Variants in PADI3 observed in about 807,000 individuals in gnomAD.
The protein encoded by PADI3 is peptidyl arginine deiminase 3, also known as protein-arginine deiminase type-3.
PADI3 carries 53 observed loss-of-function variants against 71.5 expected under a neutral mutation model. That is an observed-to-expected ratio of 0.74 (90% CI 0.59 to 0.93). The LOEUF is 0.93. PADI3 is among the 40% of genes least tolerant of loss of function. The pLI, the probability that PADI3 is intolerant of heterozygous loss-of-function variation, is 0.00. For synonymous variants in PADI3, 361 were observed against 347.5 expected (o/e 1.04, Z -0.43); for missense variants, 821 against 868.0 (o/e 0.95, Z 0.68).
Position 17,270,242 on chromosome 1 carries a change from A to G in PADI3, c.662A>G (p.Asp221Gly), listed in dbSNP as rs1311916944. 4 of 1,610,246 alleles carry G rather than the reference A, an allele frequency of 2.5e-6. No individual in the cohort carries two copies. Among genetic ancestry groups the G allele is most frequent in the Admixed American group, 3.4e-5 (2 of 59,584 alleles). Residue 221 changes from aspartate (D) to glycine (G), a missense_variant, in exon 7 of 16, where the codon GAT becomes GGT. By Grantham distance (94) the Asp-to-Gly change is moderately conservative (BLOSUM62 -1). Coordinates refer to ENST00000375460, the MANE Select transcript of PADI3 (RefSeq NM_016233.2). Reference sequence around the variant, plus strand: ...GTCCCTCCCCTTCCAGGTCCTGAGGATGTGTGTGAGGCCTATAGGCATGTG... The same window carrying G: ...GTCCCTCCCCTTCCAGGTCCTGAGGGTGTGTGTGAGGCCTATAGGCATGTG... ...AQVFHICGPE[D>G]VCEAYRHVLG...
At position 17,270,243 on chromosome 1, in the gene PADI3, T is replaced by C. The variant is rs145276833; in HGVS notation, c.663T>C (p.Asp221=). Residue 221 remains aspartate, a synonymous_variant, in exon 7 of 16, where the codon GAT becomes GAC. Transcript: ENST00000375460. ...AQVFHICGPE[D]VCEAYRHVLG... ...TCCCTCCCCTTCCAGGTCCTGAGGA[T>C]GTGTGTGAGGCCTATAGGCATGTGC... The C allele has an allele frequency of 2.5e-6, 4 of 1,610,262 alleles. No homozygotes were observed. The highest frequency in any genetic ancestry group is 2.2e-5 in the East Asian group (1 of 44,678).
rs2073336058 is a variant in PADI3, at chr1:17,276,660, G to C, written c.1449G>C (p.Gly483=). ...TGAGCTTTGTCCCTGCCCCCGATGG[G>C]AAGGTAAGAACTTCGTGCATGACGT... is the stretch of plus-strand genomic sequence containing the variant. ...EFLSFVPAPD[G]KGFRMLLASP... The change falls in exon 12 of 16, where the codon GGG becomes GGC. Residue 483 remains glycine, a synonymous_variant. Transcript: ENST00000375460. The C allele has an allele frequency of 6.2e-7, 1 of 1,614,042 alleles. No individual in the cohort carries two copies. The highest frequency in any genetic ancestry group is 8.5e-7 in the Non-Finnish European group (1 of 1,180,008).
chr1:17,272,972 C>T (rs74705609), intron 9 of PADI3, among the ~76,000 whole-genome samples: 9,356 of 152,214 alleles, frequency 0.061, 333 homozygotes, highest in African/African-American at 0.099. Context: ...TCCTCCAGAA[C>T]CAGAGGGGTC....
rs769341770 is a variant in PADI3, at chr1:17,265,651, T to C, written c.347-8T>C. 5 of 1,614,002 alleles carry C rather than the reference T, an allele frequency of 3.1e-6. No individual in the cohort carries two copies. The Admixed American group carries it at 8.3e-5, about 27-fold the overall frequency. The stretch of plus-strand genomic sequence containing the variant: ...TTGTAGTGACTTACCCTCTGCCTCC[T>C]CTTGCAGACATCTCTCTGGATTGCG... On this transcript the variant is annotated splice_region_variant and splice_polypyrimidine_tract_variant and intron_variant, in intron 3 of 15. Coordinates refer to ENST00000375460, the MANE Select transcript of PADI3 (RefSeq NM_016233.2).
intron 10 of PADI3, among the ~76,000 whole-genome samples, 196 bp from the exon 11 acceptor site, chr1:17,274,439 T>G (rs1029636746): frequency 2.0e-5 from 3 of 152,172 alleles, no homozygotes; most frequent in Non-Finnish European, 1.5e-5. Flanking sequence ...TCCGAGCACT[T>G]CCCGACTTTG....
In PADI3 at chr1:17,250,367, C is replaced by T. The variant is rs149741339; in HGVS notation, c.92+1138C>T. ...TTGCTAGATACCAGCAGCACACTCC[C>T]GAGTTGTGACAACCAAAAATGTCCC... On this transcript the variant is annotated intron_variant, in intron 1 of 15. Transcript: ENST00000375460. Among the ~76,000 whole-genome samples the T allele has an allele frequency of 3.2e-3, 487 of 152,302 alleles. 1 individual carries two copies. Among genetic ancestry groups the T allele is most frequent in the Non-Finnish European group, 4.9e-3 (331 of 68,022 alleles).
At chr1:17,261,788 A>G (rs901041913) in intron 2 of PADI3, among the ~76,000 whole-genome samples, 1 of 152,254 alleles carries the variant, frequency 6.6e-6, no homozygotes, top group Non-Finnish European at 1.5e-5. Context: ...AGTCCCACAG[A>G]CAAGAATGTT....
chr1:17,253,487 C>G (rs910037656), intron 1 of PADI3, among the ~76,000 whole-genome samples: 1 of 152,170 alleles, frequency 6.6e-6, no homozygotes, highest in Non-Finnish European at 1.5e-5. Context: ...TAAGGTATCC[C>G]GGGCAGGTGT....
At chr1:17,281,187 T>A (rs1211078616) in intron 15 of PADI3, among the ~76,000 whole-genome samples, 5 of 152,258 alleles carry the variant, frequency 3.3e-5, no homozygotes, top group Admixed American at 1.3e-4. Flanking sequence ...CTGTGGCAGA[T>A]GCAGAGATGA....
intron 2 of PADI3, 57 bp downstream of exon 2, chr1:17,259,815 C>G: frequency 6.9e-7 from 1 of 1,444,818 alleles, no homozygotes; most frequent in South Asian, 1.3e-5. Flanking sequence ...CTGTCTAGCT[C>G]TAGGAGGGCC....
chr1:17,256,266 C>G (rs1035308374), intron 1 of PADI3, among the ~76,000 whole-genome samples: 3 of 152,170 alleles, frequency 2.0e-5, no homozygotes, highest in African/African-American at 7.2e-5. Flanking sequence ...TCATGATTGC[C>G]CATGAGGTTG....
intron 1 of PADI3, among the ~76,000 whole-genome samples, chr1:17,252,139 G>T (rs2072973424): frequency 6.6e-6 from 1 of 152,160 alleles, no homozygotes. Context: ...AGGGAAGGAA[G>T]GGTACCCTGG....
At chr1:17,255,410 G>A (rs16824440) in intron 1 of PADI3, among the ~76,000 whole-genome samples, 14,040 of 152,190 alleles carry the variant, frequency 0.092, 688 homozygotes, top group South Asian at 0.2. Flanking sequence ...AAGCCTCAGC[G>A]GCGAGGGTCC....
At chr1:17,262,291 A>T in intron 3 of PADI3, 86 bp downstream of exon 3, 1 of 967,274 alleles carries the variant, frequency 1.0e-6, no homozygotes, top group South Asian at 1.7e-5. Flanking sequence ...TGAAAATTAA[A>T]CCTCCTTCCC....
At chr1:17,254,192 C>T (rs1238926545) in intron 1 of PADI3, among the ~76,000 whole-genome samples, 1 of 152,172 alleles carries the variant, frequency 6.6e-6, no homozygotes, top group African/African-American at 2.4e-5. Flanking sequence ...ATGAGGCTGG[C>T]AGCGTCGGCG....
chr1:17,261,985 C>T, intron 2 of PADI3, 148 bp from the exon 3 acceptor site: 2 of 660,884 alleles, frequency 3.0e-6, no homozygotes, highest in South Asian at 3.7e-5. Flanking sequence ...CCAACCAAGA[C>T]ACAGAAAAAT....
chr1:17,278,644 T>C (rs2073364381), intron 13 of PADI3, among the ~76,000 whole-genome samples: 1 of 152,030 alleles, frequency 6.6e-6, no homozygotes, highest in Non-Finnish European at 1.5e-5. Context: ...TCAAATTCAC[T>C]CCCTTTCCAG....
chr1:17,261,755 G>A (rs984412981), intron 2 of PADI3, among the ~76,000 whole-genome samples: 1 of 152,244 alleles, frequency 6.6e-6, no homozygotes, highest in Non-Finnish European at 1.5e-5. Flanking sequence ...CAGAGGTGCC[G>A]GGCTCAAGCC....
chr1:17,270,370 C>T lies in PADI3; in HGVS notation c.790C>T (p.Leu264Phe), dbSNP rs2073230551. Residue 264 changes from leucine (L) to phenylalanine (F), a missense_variant, in exon 7 of 16, where the codon CTC becomes TTC. Transcript: ENST00000375460. ...CTTCCCTGATGCCGGCTTCACAGGA[C>T]TCATCTCCTTCCATGTCACTCTGCT... ...LSFPDAGFTG[L>F]ISFHVTLLDD... The T allele has an allele frequency of 1.2e-6, 2 of 1,613,848 alleles. No individual in the cohort carries two copies. The highest frequency in any genetic ancestry group is 4.5e-5 in the East Asian group (2 of 44,854).
Sources: gnomAD v4.1 joint callset for allele counts (sites outside exome capture counted in the v4.1 genomes callset) on GRCh38, gnomAD v4.1.1 for gene constraint, MANE v1.5 for transcripts, NCBI Gene and HGNC (gene_info 2026-07-23, HGNC 2026-07-21) for gene names.